Variants in BTD observed in about 807,000 individuals in gnomAD.
BTD encodes the protein biotinidase, also known as biocytinase.
In BTD, 13 loss-of-function variants were observed where a neutral mutation model predicts 17.7. The observed-to-expected ratio is 0.74, with a 90% CI of 0.48 to 1.17. BTD has a LOEUF of 1.17. Among genes scored for constraint, BTD ranks in the 50% most tolerant of loss-of-function variants. The pLI is 0.00. For missense variants in BTD, 674 were observed against 650.4 expected (o/e 1.04, Z -0.39); for synonymous variants, 240 against 245.2 (o/e 0.98, Z 0.20).
intron 3 of BTD, among the ~76,000 whole-genome samples, chr3:15,704,088 GC>G (rs1575259966): frequency 6.6e-6 from 1 of 152,044 alleles, no homozygotes; most frequent in African/African-American, 2.4e-5. Flanking sequence ...CTCAAAGACA[GC>G]CCTATACGTA....
chr3:15,676,685 C>T (rs1475316301), intron 3 of BTD: 2 of 249,008 alleles, frequency 8.0e-6, no homozygotes, highest in Non-Finnish European at 1.6e-5. Flanking sequence ...TTGATTTCCA[C>T]AGAATACACA....
rs772369148 is a variant in BTD, at chr3:15,635,488, G to A, written c.49G>A (p.Val17Met). ...KLALFLCGCY[V>M]VALGAHTGEE... is the part of the protein sequence containing the mutation. Reference sequence around the variant, plus strand: ...TGCTCTTTTCCTCTGCGGCTGTTACGTGGTTGCCCTGGGAGCCCACACCGG... The same window carrying A: ...TGCTCTTTTCCTCTGCGGCTGTTACATGGTTGCCCTGGGAGCCCACACCGG... The change falls in exon 2 of 4, where the codon GTG (valine) becomes ATG (methionine). Residue 17 changes from valine (V) to methionine (M), a missense_variant. Physicochemically the swap from Val to Met is conservative, Grantham distance 21. Transcript: ENST00000643237. The surrounding 1 kb of genome is among the most constrained non-coding windows in gnomAD (Gnocchi z 4.1). 2.8e-5 allele frequency: 45 copies of A among 1,614,066 alleles called. No homozygotes were observed. The East Asian group carries it at 3.8e-4, about 14-fold the overall frequency.
chr3:15,634,752 A>T (rs936071158), intron 1 of BTD, among the ~76,000 whole-genome samples: 2 of 152,234 alleles, frequency 1.3e-5, no homozygotes, highest in Non-Finnish European at 2.9e-5. Flanking sequence ...CTCAAGTTCA[A>T]GGAGAAAAAA....
chr3:15,603,802 T>C (rs536211816), intron 1 of BTD, among the ~76,000 whole-genome samples: 1 of 152,368 alleles, frequency 6.6e-6, no homozygotes, highest in African/African-American at 2.4e-5. Context: ...AAAGCCCCCA[T>C]GCAAGTTCAA....
chr3:15,643,197 G>A lies in BTD; in HGVS notation c.400-1119G>A, dbSNP rs2065584831. On this transcript the variant is annotated intron_variant, in intron 3 of 3. Transcript: ENST00000643237. The stretch of plus-strand genomic sequence containing the variant: ...CCTCTTTTTCCATCCTTTGGTCAAT[G>A]CAAGATAGAATAATCTTTTGAGCCT... Among the ~76,000 whole-genome samples the A allele has an allele frequency of 3.3e-5, 5 of 152,254 alleles. No homozygotes were observed. The South Asian group carries it at 1.0e-3, about 32-fold the overall frequency.
rs370032840 is a variant in BTD at position 15,685,381 on chromosome 3, C to T, written c.400-24679C>T. ...TATAGGCGTCCGGCCCCTGCTATCCCGAAGTAAGCACTTAGCACCATGTTG... is the reference window on the plus strand; with the variant it reads ...TATAGGCGTCCGGCCCCTGCTATCCTGAAGTAAGCACTTAGCACCATGTTG... On this transcript the variant is annotated intron_variant, in intron 3 of 3. Transcript: ENST00000672141. The T allele has an allele frequency of 1.5e-4, 244 of 1,613,842 alleles. No homozygotes were observed. Among genetic ancestry groups the T allele is most frequent in the Non-Finnish European group, 1.9e-4 (224 of 1,179,868 alleles).
intron 3 of BTD, among the ~76,000 whole-genome samples, chr3:15,706,321 A>G (rs2071388451): frequency 6.6e-6 from 1 of 151,514 alleles, no homozygotes; most frequent in African/African-American, 2.4e-5. Flanking sequence ...ATTCTCACCT[A>G]TGAGTGAGAA....
Sources: gnomAD v4.1 joint callset for allele counts (sites outside exome capture counted in the v4.1 genomes callset) on GRCh38, gnomAD v4.1.1 for gene constraint, Gnocchi (gnomAD v3.1) non-coding constraint, MANE v1.5 for transcripts, NCBI Gene and HGNC (gene_info 2026-07-23, HGNC 2026-07-21) for gene names.